CCDC138: variants seen among roughly 807,000 people sequenced by gnomAD.
The protein encoded by CCDC138 is coiled-coil domain-containing protein 138.
In CCDC138, 66 loss-of-function variants were observed where a neutral mutation model predicts 82.3. The observed-to-expected ratio is 0.80, with a 90% CI of 0.66 to 0.98. CCDC138 has a LOEUF of 0.98. Among genes scored for constraint, CCDC138 ranks in the 50% least tolerant of loss-of-function variants. The pLI, the probability that CCDC138 is intolerant of heterozygous loss-of-function variation, is 0.00. For synonymous variants in CCDC138, 297 were observed against 265.4 expected, an observed-to-expected ratio of 1.12 and a Z score of -1.16; for missense variants, 816 against 758.9, an observed-to-expected ratio of 1.08 and a Z score of -0.88.
rs748063557 is a variant in CCDC138 at position 108,846,797 on chromosome 2, A to G, written c.1383A>G (p.Val461=). 6.2e-7 allele frequency: 1 copy of G among 1,612,770 alleles called. No homozygotes were observed. The highest frequency in any genetic ancestry group is 8.5e-7 in the Non-Finnish European group (1 of 1,178,926). The change falls in exon 12 of 15, where the codon GTA becomes GTG. Residue 461 remains valine, a synonymous_variant. Coordinates refer to ENST00000295124, the MANE Select transcript of CCDC138 (RefSeq NM_144978.3). ...GTGAAGACATTTTTAAAGGAGTGGT[A>G]ACTAAAGGAATTCAGGATAATTCTC... is the stretch of plus-strand genomic sequence containing the variant. ...RLGEDIFKGV[V]TKGIQDNSPQ...
rs565686149 is a variant in CCDC138, at chr2:108,829,461, A to T, written c.1207-9724A>T. Among the ~76,000 whole-genome samples the T allele has an allele frequency of 1.4e-3, 217 of 151,440 alleles. 1 individual carries two copies. The highest frequency in any genetic ancestry group is 1.9e-3 in the Non-Finnish European group (128 of 68,032). On this transcript the variant is annotated intron_variant, in intron 10 of 14. Coordinates refer to ENST00000295124, the MANE Select transcript of CCDC138 (RefSeq NM_144978.3). ...TTAACACCTATTAGAATGTTTATTT[A>T]AAAAATAAACATGGTGGCCCATGCC... is the stretch of plus-strand genomic sequence containing the variant.
intron 11 of CCDC138, among the ~76,000 whole-genome samples, chr2:108,843,834 A>G (rs1427239907): frequency 8.8e-6 from 1 of 113,930 alleles, no homozygotes; most frequent in Non-Finnish European, 1.8e-5. Flanking sequence ...TATTTCTTCA[A>G]GTTCATGTTT....
At chr2:108,787,077 G>T (rs1427993127) in intron 1 of CCDC138, among the ~76,000 whole-genome samples, 162 bp downstream of exon 1, 1 of 152,060 alleles carries the variant, frequency 6.6e-6, no homozygotes, top group African/African-American at 2.4e-5. Context: ...GGCGGGAGGG[G>T]CGGGCGTTGC....
chr2:108,811,087 CCTTTTTTCTTTTCTTTTTTTTTTT>C lies in CCDC138; in HGVS notation c.856-1532_856-1509del, dbSNP rs1423467883. Among the ~76,000 whole-genome samples the C allele has an allele frequency of 8.6e-4, 97 of 112,768 alleles. 1 individual carries two copies. Among genetic ancestry groups the C allele is most frequent in the African/African-American group, 3.0e-3 (96 of 31,758 alleles). 74.0% of individuals were successfully genotyped at this position (112,768 alleles called of 152,430 possible). A position where few individuals can be genotyped will look rare whatever the true frequency, so the allele number is the denominator to read the frequency against. On this transcript the variant is annotated intron_variant, in intron 7 of 14. Transcript: ENST00000295124. The stretch of plus-strand genomic sequence containing the variant: ...GATTTTATCTGTTTGGGTCTTTTCT[CCTTTTTTCTTTTCTTTTTTTTTTT>C]CTTTTTTCTTTCCTTCTTCCCTTCT...
intron 10 of CCDC138, among the ~76,000 whole-genome samples, chr2:108,823,777 C>T (rs7578825): frequency 0.63 from 96,172 of 152,030 alleles, 33,928 homozygotes; most frequent in East Asian, 0.9. Flanking sequence ...GTCAGGAGTT[C>T]GAGACCAGCC....
At chr2:108,842,226 G>A (rs1165233432) in intron 11 of CCDC138, among the ~76,000 whole-genome samples, 1 of 150,078 alleles carries the variant, frequency 6.7e-6, no homozygotes, top group Non-Finnish European at 1.5e-5. Flanking sequence ...TTTGATAGAG[G>A]CATTGTCTTG....
chr2:108,808,495 T>A (rs1683229382), intron 7 of CCDC138, among the ~76,000 whole-genome samples: 1 of 152,170 alleles, frequency 6.6e-6, no homozygotes, highest in African/African-American at 2.4e-5. Context: ...TAAAAGAGTT[T>A]CCCTTCTCCA....
intron 5 of CCDC138, among the ~76,000 whole-genome samples, chr2:108,795,851 A>C (rs1339818000): frequency 1.3e-5 from 2 of 152,196 alleles, no homozygotes; most frequent in Non-Finnish European, 2.9e-5. Context: ...TGGGTATTTT[A>C]CAAGTTTTTA....
At chr2:108,793,017 C>T (rs1680173144) in intron 4 of CCDC138, among the ~76,000 whole-genome samples, 1 of 151,222 alleles carries the variant, frequency 6.6e-6, no homozygotes, top group African/African-American at 2.4e-5. Context: ...TGAGCTGAGA[C>T]TGTGCCACTG....
chr2:108,826,091 T>A (rs1050675930), intron 10 of CCDC138, among the ~76,000 whole-genome samples: 9 of 152,220 alleles, frequency 5.9e-5, no homozygotes, highest in Non-Finnish European at 1.5e-5. Context: ...TGAGCATTTT[T>A]AATTGAGTTA....
At chr2:108,788,234 C>T in intron 2 of CCDC138, 145 bp downstream of exon 2, 1 of 734,968 alleles carries the variant, frequency 1.4e-6, no homozygotes, top group South Asian at 2.0e-5. Flanking sequence ...CTCAGGCCAA[C>T]ATAGTGAAAT....
At chr2:108,826,509 C>A (rs1407833970) in intron 10 of CCDC138, among the ~76,000 whole-genome samples, 1 of 152,034 alleles carries the variant, frequency 6.6e-6, no homozygotes, top group Non-Finnish European at 1.5e-5. Context: ...GTTGAAAAAT[C>A]TATTCCTTCC....
At position 108,839,190 on chromosome 2, in the gene CCDC138, G is replaced by T; in HGVS notation, c.1212G>T (p.Leu404Phe). ...TTCCATCATTTTATCTTTAGCTTTT[G>T]CCTCTAATGACAGAGCAGCTACAGT... The part of the protein sequence containing the change: ...NDIQEKCVKL[L>F]PLMTEQLQWM... The change falls in exon 11 of 15, where the codon TTG (leucine) becomes TTT (phenylalanine). Residue 404 changes from leucine (L) to phenylalanine (F), a missense_variant. Coordinates refer to ENST00000295124, the MANE Select transcript of CCDC138 (RefSeq NM_144978.3). 1 of 1,601,772 alleles carries T rather than the reference G, an allele frequency of 6.2e-7. No individual in the cohort carries two copies. The highest frequency in any genetic ancestry group is 8.5e-7 in the Non-Finnish European group (1 of 1,174,458).
chr2:108,794,778 C>T, intron 5 of CCDC138, 57 bp downstream of exon 5: 3 of 1,322,938 alleles, frequency 2.3e-6, no homozygotes, highest in Non-Finnish European at 3.1e-6. Flanking sequence ...AAGAACCAAG[C>T]ATTTACGAAA....
chr2:108,834,869 C>A (rs1688324148), intron 10 of CCDC138, among the ~76,000 whole-genome samples: 1 of 152,178 alleles, frequency 6.6e-6, no homozygotes, highest in South Asian at 2.1e-4. Context: ...ATGACTTTGT[C>A]ACTTGAAAAG....
chr2:108,855,060 G>C (rs145222088), intron 12 of CCDC138, among the ~76,000 whole-genome samples: 4 of 152,030 alleles, frequency 2.6e-5, no homozygotes, highest in Admixed American at 6.6e-5. Flanking sequence ...GAATAATATA[G>C]CATTTATAAA....
intron 4 of CCDC138, among the ~76,000 whole-genome samples, chr2:108,792,670 T>C (rs1396408416): frequency 6.6e-6 from 1 of 152,188 alleles, no homozygotes; most frequent in African/African-American, 2.4e-5. Context: ...CTATGTTTTA[T>C]TTTTACTTCT....
intron 13 of CCDC138, among the ~76,000 whole-genome samples, chr2:108,870,260 A>G (rs1021426600): frequency 1.2e-4 from 18 of 152,244 alleles, no homozygotes; most frequent in African/African-American, 4.3e-4. Flanking sequence ...TTGAACAGGC[A>G]AAAGAAAGAA....
intron 10 of CCDC138, among the ~76,000 whole-genome samples, chr2:108,822,793 G>C (rs1333754864): frequency 2.0e-5 from 3 of 152,124 alleles, no homozygotes; most frequent in Non-Finnish European, 4.4e-5. Context: ...GTGTTAAGAG[G>C]GAAGTTTGTA....
Sources: allele counts gnomAD v4.1 joint callset (sites outside exome capture counted in the v4.1 genomes callset), GRCh38; gene constraint gnomAD v4.1.1; transcripts MANE v1.5; gene names NCBI Gene and HGNC (gene_info 2026-07-23, HGNC 2026-07-21).